Variants in TARM1 observed in about 807,000 individuals in gnomAD.
The protein encoded by TARM1 is T-cell-interacting, activating receptor on myeloid cells protein 1.
A neutral mutation model predicts 30.4 loss-of-function variants in TARM1; 24 were observed. That is an observed-to-expected ratio of 0.79 (90% CI 0.57 to 1.11). The LOEUF (loss-of-function observed/expected upper bound fraction) is 1.11. Among genes scored for constraint, TARM1 ranks in the 50% least tolerant of loss-of-function variants. TARM1 has a pLI of 0.00. For synonymous variants in TARM1, 129 were observed against 138.9 expected (o/e 0.93, Z 0.50); for missense variants, 323 against 332.8 (o/e 0.97, Z 0.23).
Position 54,075,088 on chromosome 19 carries a change from C to A in TARM1, c.97G>T (p.Ala33Ser). ...GCAGGGACCACCGAGCTGGGCCAGGCACTGAGGGACGGCTTGGGCAGTGAC... is the reference window on the plus strand; with the variant it reads ...GCAGGGACCACCGAGCTGGGCCAGGAACTGAGGGACGGCTTGGGCAGTGAC... ...DGSLPKPSLSAWPSSVVPANS... is the reference protein window; with the variant it reads ...DGSLPKPSLSSWPSSVVPANS... Residue 33 changes from alanine to serine, a missense_variant, in exon 3 of 5, where the codon GCC (alanine) becomes TCC (serine). Physicochemically the swap from Ala to Ser is moderately conservative, Grantham distance 99 (BLOSUM62 1). Transcript: ENST00000432826. The A allele has an allele frequency of 6.4e-7, 1 of 1,551,448 alleles. No individual in the cohort carries two copies.
chr19:54,075,056 G>A lies in TARM1; in HGVS notation c.129C>T (p.Ser43=), dbSNP rs1355424294. Residue 43 remains serine, a synonymous_variant, in exon 3 of 5, where the codon AGC becomes AGT. Transcript: ENST00000432826. ...AWPSSVVPAN[S]NVTLRCWTPA... ...GAGTCCAACATCGCAGCGTCACATTGCTGTTGGCAGGGACCACCGAGCTGG... is the reference window on the plus strand; with the variant it reads ...GAGTCCAACATCGCAGCGTCACATTACTGTTGGCAGGGACCACCGAGCTGG... 1.9e-6 allele frequency: 3 copies of A among 1,551,290 alleles called. No homozygotes were observed. The Admixed American group carries it at 5.9e-5, about 30-fold the overall frequency.
intron 4 of TARM1, among the ~76,000 whole-genome samples, chr19:54,071,276 G>T (rs1409182010): frequency 6.6e-6 from 1 of 152,144 alleles, no homozygotes; most frequent in African/African-American, 2.4e-5. Context: ...CAATCCTAAT[G>T]AGTTGTAATG....
At chr19:54,075,486 A>G (rs1436109941) in intron 2 of TARM1, among the ~76,000 whole-genome samples, 1 of 150,396 alleles carries the variant, frequency 6.6e-6, no homozygotes, top group Non-Finnish European at 1.5e-5. Flanking sequence ...GAGCCCAATC[A>G]GGAATCCCAT....
chr19:54,081,256 A>C (rs587697876), intron 1 of TARM1, 51 bp downstream of exon 1: 1 of 1,530,436 alleles, frequency 6.5e-7, no homozygotes, highest in African/African-American at 1.4e-5. Flanking sequence ...CAACTATCCC[A>C]CCAGTTCCAT....
chr19:54,071,640 A>G (rs1243005883), intron 4 of TARM1, among the ~76,000 whole-genome samples: 1 of 151,998 alleles, frequency 6.6e-6, no homozygotes, highest in African/African-American at 2.4e-5. Flanking sequence ...CAACATGGCG[A>G]AACCCCATGT....
chr19:54,076,737 G>C (rs1337282701), intron 1 of TARM1, among the ~76,000 whole-genome samples: 1 of 151,926 alleles, frequency 6.6e-6, no homozygotes, highest in Non-Finnish European at 1.5e-5. Context: ...AGGTTGGAGT[G>C]CAGTGGCTCC....
intron 1 of TARM1, among the ~76,000 whole-genome samples, chr19:54,078,409 G>T (rs112143130): frequency 1.3e-5 from 2 of 150,210 alleles, no homozygotes; most frequent in South Asian, 2.1e-4. Context: ...ATGGAGTTTC[G>T]CTCTTGTTGC....
At chr19:54,074,251 G>A (rs1213905781) in intron 3 of TARM1, 35 bp from the exon 4 acceptor site, 1 of 1,530,364 alleles carries the variant, frequency 6.5e-7, no homozygotes, top group Admixed American at 2.0e-5. Flanking sequence ...GTCCTGGGGA[G>A]AAGTCTGGAA....
At chr19:54,073,865 C>T (rs2071872899) in intron 4 of TARM1, 55 bp downstream of exon 4, 1 of 1,507,002 alleles carries the variant, frequency 6.6e-7, no homozygotes, top group Non-Finnish European at 9.0e-7. Context: ...AAGAACAAAA[C>T]AATCTCTGAT....
At chr19:54,072,130 A>G (rs2071827490) in intron 4 of TARM1, among the ~76,000 whole-genome samples, 1 of 152,026 alleles carries the variant, frequency 6.6e-6, no homozygotes, top group African/African-American at 2.4e-5. Context: ...CAGAGGTTTC[A>G]TTGAGCCGAG....
At chr19:54,079,806 C>T (rs1255558276) in intron 1 of TARM1, among the ~76,000 whole-genome samples, 1 of 151,702 alleles carries the variant, frequency 6.6e-6, no homozygotes, top group African/African-American at 2.4e-5. Context: ...AGCTCAAGAC[C>T]AGCCTGGCCA....
At chr19:54,073,516 CAG>C (rs1195638702) in intron 4 of TARM1, among the ~76,000 whole-genome samples, 1 of 149,426 alleles carries the variant, frequency 6.7e-6, no homozygotes, top group Non-Finnish European at 1.5e-5. Context: ...GTTTTTGAGA[CAG>C]AGTCTCACTC....
chr19:54,075,396 G>A (rs2071924153), intron 2 of TARM1, among the ~76,000 whole-genome samples: 2 of 151,580 alleles, frequency 1.3e-5, no homozygotes, highest in African/African-American at 4.8e-5. Flanking sequence ...ATGTTGGCCA[G>A]GCTGGTCTCG....
At position 54,080,092 on chromosome 19, in the gene TARM1, AAAGG is replaced by A. The variant is rs774286454; in HGVS notation, c.34+1211_34+1214del. On this transcript the variant is annotated intron_variant, in intron 1 of 4. Transcript: ENST00000432826. ...GAAGGAATGAAGGAGAAAGAGAAAG[AAAGG>A]AAGGAAGGAAGGAAGGAAGGAAGGA... 1.0e-3 allele frequency among the ~76,000 whole-genome samples: 61 copies of A among 58,526 alleles called. 9 individuals carry two copies. The highest frequency in any genetic ancestry group is 1.5e-3 in the Non-Finnish European group (54 of 34,912). The allele number at this position is 58,526 out of a possible 152,430, so 38.4% of individuals were successfully genotyped here.
rs769366713 is a variant in TARM1 at position 54,070,048 on chromosome 19, G to A, written c.771C>T (p.Ser257=). ...MGAFLVEAWY[S]RNVSPGESEA... ...CTGATTCACCTGGAGACACATTCCG[G>A]CTGTACCAGGCCTCCACCAGGAAAG... The change falls in exon 5 of 5, where the codon AGC becomes AGT. Residue 257 remains serine (S), a synonymous_variant. Transcript: ENST00000432826. 2 of 1,551,580 alleles carry A rather than the reference G, an allele frequency of 1.3e-6. No homozygotes were observed. The highest frequency in any genetic ancestry group is 1.7e-6 in the Non-Finnish European group (2 of 1,146,964).
At chr19:54,071,689 G>A (rs989348349) in intron 4 of TARM1, among the ~76,000 whole-genome samples, 5 of 151,950 alleles carry the variant, frequency 3.3e-5, no homozygotes, top group Admixed American at 1.3e-4. Context: ...GTGTGGTGGC[G>A]GGTGCCTGTA....
chr19:54,070,074 C>G lies in TARM1; in HGVS notation c.745G>C (p.Ala249Pro). Residue 249 changes from alanine (A) to proline (P), a missense_variant, in exon 5 of 5, where the codon GCT becomes CCT. By Grantham distance (27) the Ala-to-Pro change is conservative. Transcript: ENST00000432826. ...CTGTACCAGGCCTCCACCAGGAAAG[C>G]TCCCATGATAACCACAATTACGGCA... ...LAAVIVVIMG[A>P]FLVEAWYSRN... is the part of the protein sequence containing the mutation. 6.4e-7 allele frequency: 1 copy of G among 1,551,660 alleles called. No homozygotes were observed. Among genetic ancestry groups the G allele is most frequent in the Non-Finnish European group, 8.7e-7 (1 of 1,146,980 alleles).
chr19:54,071,487 C>G (rs976573033), intron 4 of TARM1, among the ~76,000 whole-genome samples: 10 of 152,260 alleles, frequency 6.6e-5, no homozygotes, highest in African/African-American at 1.9e-4. Flanking sequence ...TCAGCATCCT[C>G]GCAGCACACA....
intron 4 of TARM1, 136 bp from the exon 5 acceptor site, chr19:54,070,296 T>A: frequency 4.5e-6 from 6 of 1,346,364 alleles, no homozygotes; most frequent in Non-Finnish European, 4.9e-6. Flanking sequence ...GGAGTTTTAC[T>A]CTTGTTGACC....
Sources: gnomAD v4.1 joint callset for allele counts (sites outside exome capture counted in the v4.1 genomes callset) on GRCh38, gnomAD v4.1.1 for gene constraint, MANE v1.5 for transcripts, NCBI Gene and HGNC (gene_info 2026-07-23, HGNC 2026-07-21) for gene names.